CEP63: variants seen among roughly 807,000 people sequenced by gnomAD.
CEP63 encodes the protein centrosomal protein of 63 kDa.
Under a neutral mutation model 89.1 loss-of-function variants are expected in CEP63, and 84 were observed. That is an observed-to-expected ratio of 0.94 (90% CI 0.79 to 1.13). The LOEUF is 1.13. Ranked by LOEUF, CEP63 falls within the 50% of genes most tolerant of loss-of-function variation. The pLI is 0.00. For synonymous variants in CEP63, 267 were observed against 272.5 expected, an observed-to-expected ratio of 0.98 and a Z score of 0.20; for missense variants, 838 against 813.3, an observed-to-expected ratio of 1.03 and a Z score of -0.37.
the CEP63 span, among the ~76,000 whole-genome samples, chr3:134,751,222 A>G: frequency 6.6e-6 from 1 of 152,192 alleles, no homozygotes; most frequent in East Asian, 1.9e-4. Context: ...AATGTACTTC[A>G]TTCCTTTTTA....
chr3:134,660,656 T>C, the CEP63 span, among the ~76,000 whole-genome samples: 4 of 152,232 alleles, frequency 2.6e-5, no homozygotes, highest in Admixed American at 2.0e-4. Context: ...ATACAATTCC[T>C]GCTCTCAAGG....
chr3:134,607,431 C>T, the CEP63 span: 2 of 985,620 alleles, frequency 2.0e-6, no homozygotes, highest in Non-Finnish European at 2.4e-6. Flanking sequence ...CCACAGGCAC[C>T]CTGTGCTAAT....
At chr3:134,522,709 G>A (rs545631112) in intron 3 of CEP63, among the ~76,000 whole-genome samples, 4 of 151,928 alleles carry the variant, frequency 2.6e-5, no homozygotes, top group South Asian at 2.1e-4. Context: ...GAGAATATGC[G>A]GTATTTGGTT....
At chr3:134,741,523 C>T in the CEP63 span, among the ~76,000 whole-genome samples, 12 of 152,138 alleles carry the variant, frequency 7.9e-5, no homozygotes, top group African/African-American at 2.7e-4. Flanking sequence ...TGCTTGAGTC[C>T]TCGCTCTGAT....
intron 5 of CEP63, among the ~76,000 whole-genome samples, chr3:134,535,120 C>T (rs1000018779): frequency 4.6e-5 from 7 of 152,094 alleles, no homozygotes; most frequent in African/African-American, 1.4e-4. Context: ...TCTCTTGACC[C>T]GTCTCTTCCT....
the CEP63 span, among the ~76,000 whole-genome samples, chr3:134,709,975 T>C: frequency 3.3e-5 from 5 of 152,338 alleles, no homozygotes; most frequent in African/African-American, 1.2e-4. Context: ...AGTTTTGTCT[T>C]CTCCCCACTC....
the CEP63 span, among the ~76,000 whole-genome samples, chr3:134,759,938 A>G: frequency 8.1e-4 from 124 of 152,362 alleles, no homozygotes; most frequent in African/African-American, 2.9e-3. Flanking sequence ...AGAGAGGTTA[A>G]GTAATTGCCT....
At chr3:134,602,126 C>A in the CEP63 span, among the ~76,000 whole-genome samples, 15 of 152,062 alleles carry the variant, frequency 9.9e-5, no homozygotes, top group African/African-American at 3.6e-4. Context: ...TGCTGGCTCT[C>A]AGGGGTTGGG....
chr3:134,651,417 T>C, the CEP63 span: 22 of 1,081,182 alleles, frequency 2.0e-5, no homozygotes, highest in Non-Finnish European at 2.4e-5. Flanking sequence ...CCCTGGCAAA[T>C]ACAGAAATCG....
At chr3:134,490,320 G>A (rs1335530714) in intron 1 of CEP63, among the ~76,000 whole-genome samples, 1 of 151,962 alleles carries the variant, frequency 6.6e-6, no homozygotes, top group Non-Finnish European at 1.5e-5. Context: ...TTGGTGCCTA[G>A]TGCCATTAAT....
intron 12 of CEP63, among the ~76,000 whole-genome samples, chr3:134,557,376 G>GTTTTTTTTTTTTTATTTTTTTTTTTTTTT (rs1956396407): frequency 2.0e-5 from 2 of 101,500 alleles, no homozygotes; most frequent in African/African-American, 9.9e-5. Flanking sequence ...TTCATAATTT[G>GTTTTTTTTTTTTTATTTTTTTTTTTTTTT]TTTTTTTTTT....
At chr3:134,702,658 G>A in the CEP63 span, among the ~76,000 whole-genome samples, 25,878 of 152,104 alleles carry the variant, frequency 0.17, 2,346 homozygotes, top group Middle Eastern at 0.24. Flanking sequence ...AGTGGGCAAA[G>A]GACATGAACA....
the CEP63 span, among the ~76,000 whole-genome samples, chr3:134,661,679 GA>G: frequency 2.0e-5 from 3 of 152,080 alleles, no homozygotes; most frequent in Non-Finnish European, 4.4e-5. Flanking sequence ...AAAAGAGAGA[GA>G]AAGAGGATAA....
At position 134,561,506 on chromosome 3, in the gene CEP63, A is replaced by G. The variant is rs752659947; in HGVS notation, c.2083A>G (p.Thr695Ala). The change falls in exon 15 of 15, where the codon ACA becomes GCA. Residue 695 changes from threonine to alanine, a missense_variant. Transcript: ENST00000675561. ...AGAACTAAAAAGAGAGAGTGAAAAGACAGTGAGACAATTCACAGCCTTAAA... is the reference window on the plus strand; with the variant it reads ...AGAACTAAAAAGAGAGAGTGAAAAGGCAGTGAGACAATTCACAGCCTTAAA... ...IEELKRESEK[T>A]VRQFTALK is the part of the protein sequence containing the mutation. 3 of 1,613,862 alleles carry G rather than the reference A, an allele frequency of 1.9e-6. No individual in the cohort carries two copies. The highest frequency in any genetic ancestry group is 3.3e-5 in the Admixed American group (2 of 60,000).
At chr3:134,716,893 G>A in the CEP63 span, among the ~76,000 whole-genome samples, 2 of 151,998 alleles carry the variant, frequency 1.3e-5, no homozygotes, top group Non-Finnish European at 2.9e-5. Context: ...AGTACAAAAG[G>A]ACGGATGCAC....
the CEP63 span, among the ~76,000 whole-genome samples, chr3:134,621,961 A>C: frequency 6.6e-6 from 1 of 152,234 alleles, no homozygotes; most frequent in African/African-American, 2.4e-5. Flanking sequence ...CACATAAAAA[A>C]AAGCTCAACA....
At chr3:134,613,961 T>C in the CEP63 span, among the ~76,000 whole-genome samples, 2 of 152,144 alleles carry the variant, frequency 1.3e-5, no homozygotes, top group African/African-American at 4.8e-5. Flanking sequence ...GGGAATGCTA[T>C]AACATGACAT....
chr3:134,734,045 A>G, the CEP63 span, among the ~76,000 whole-genome samples: 1 of 152,212 alleles, frequency 6.6e-6, no homozygotes, highest in African/African-American at 2.4e-5. Flanking sequence ...TATGAGTAAT[A>G]TTTAAAGGCA....
At chr3:134,500,179 A>G (rs554562024) in intron 2 of CEP63, among the ~76,000 whole-genome samples, 1 of 152,252 alleles carries the variant, frequency 6.6e-6, no homozygotes, top group Admixed American at 6.5e-5. Context: ...TCCACTTGCA[A>G]ATGAAAACAT....
Sources: allele counts gnomAD v4.1 joint callset (sites outside exome capture counted in the v4.1 genomes callset), GRCh38; gene constraint gnomAD v4.1.1; transcripts MANE v1.5; gene names NCBI Gene and HGNC (gene_info 2026-07-23, HGNC 2026-07-21).